The following G3BP2 variants were observed in gnomAD, a reference collection of about 807,000 sequenced individuals.
G3BP2 encodes the protein G3BP stress granule assembly factor 2, also known as ras GTPase-activating protein-binding protein 2.
Under a neutral mutation model 56.7 loss-of-function variants are expected in G3BP2, and 11 were observed. The observed-to-expected ratio is 0.19, with a 90% CI of 0.12 to 0.32. The LOEUF (loss-of-function observed/expected upper bound fraction) is 0.32. Among genes scored for constraint, G3BP2 ranks in the 10% least tolerant of loss-of-function variants. The pLI, the probability that G3BP2 is intolerant of heterozygous loss-of-function variation, is 1.00. For missense variants in G3BP2, 340 were observed against 610.9 expected (o/e 0.56, Z 4.67); for synonymous variants, 165 against 191.6 (o/e 0.86, Z 1.15).
chr4:75,699,476 C>T (rs368371349), intron 3 of G3BP2, among the ~76,000 whole-genome samples: 1 of 152,170 alleles, frequency 6.6e-6, no homozygotes, highest in Non-Finnish European at 1.5e-5. Flanking sequence ...TCACACTCAG[C>T]CTGACCCTAA....
intron 3 of G3BP2, among the ~76,000 whole-genome samples, chr4:75,680,364 G>A (rs921475571): frequency 1.3e-5 from 2 of 152,136 alleles, no homozygotes; most frequent in African/African-American, 2.4e-5. Flanking sequence ...GGATCAAATC[G>A]CATTTTCTTC....
At chr4:75,649,688 G>A (rs1731522752) in intron 8 of G3BP2, among the ~76,000 whole-genome samples, 1 of 152,158 alleles carries the variant, frequency 6.6e-6, no homozygotes, top group African/African-American at 2.4e-5. Context: ...AGGATATGGA[G>A]AACATGTCCT....
chr4:75,711,192 G>T (rs1355778038), intron 3 of G3BP2, among the ~76,000 whole-genome samples: 1 of 151,590 alleles, frequency 6.6e-6, no homozygotes, highest in Non-Finnish European at 1.5e-5. Context: ...GATGGCGGGT[G>T]CCTGTAATCC....
chr4:75,724,140 G>A (rs1236983270), intron 1 of G3BP2: 2 of 152,416 alleles, frequency 1.3e-5, no homozygotes, highest in Non-Finnish European at 2.9e-5. Flanking sequence ...GTGGAATGAG[G>A]GGTGTCTAGT....
At chr4:75,708,760 G>A (rs533504706) in intron 3 of G3BP2, among the ~76,000 whole-genome samples, 75 of 151,990 alleles carry the variant, frequency 4.9e-4, no homozygotes, top group African/African-American at 1.7e-3. Context: ...CGCTTGCACT[G>A]AGGAGTTTGA....
At chr4:75,716,996 A>G (rs917536794) in intron 3 of G3BP2, among the ~76,000 whole-genome samples, 2 of 151,966 alleles carry the variant, frequency 1.3e-5, no homozygotes, top group Admixed American at 6.6e-5. Context: ...TTATGTCCAC[A>G]CCCAACTACC....
chr4:75,693,095 T>C (rs1718936659), intron 3 of G3BP2, among the ~76,000 whole-genome samples: 1 of 151,880 alleles, frequency 6.6e-6, no homozygotes, highest in Non-Finnish European at 1.5e-5. Context: ...AATACAAAAA[T>C]TAGACGGGTG....
intron 6 of G3BP2, 33 bp from the exon 7 acceptor site, chr4:75,655,279 G>C (rs1218598654): frequency 1.3e-6 from 2 of 1,490,980 alleles, no homozygotes; most frequent in South Asian, 2.4e-5. Context: ...CTTTTTAGTA[G>C]GAGTTCAAGT....
intron 1 of G3BP2, among the ~76,000 whole-genome samples, chr4:75,665,656 AAC>A (rs368331407): frequency 0.025 from 1,816 of 73,038 alleles, 16 homozygotes; most frequent in African/African-American, 0.024. Flanking sequence ...CACACAAACA[AAC>A]ACACACACAC....
rs568645152 is a variant in G3BP2 at position 75,649,062 on chromosome 4, A to G, written c.826-321T>C. 18 of 187,102 alleles carry G rather than the reference A, an allele frequency of 9.6e-5. No homozygotes were observed. In the East Asian group the frequency reaches 2.2e-3, roughly 23 times the overall value. The allele number at this position is 187,102 out of a possible 1,614,324, so 11.6% of individuals were successfully genotyped here. Reference sequence around the variant, plus strand: ...TTGCTACCAAAAAAAAAAATCACAAAAATGCAAGATGAACCACTCCATGTA... The same window carrying G: ...TTGCTACCAAAAAAAAAAATCACAAGAATGCAAGATGAACCACTCCATGTA... On this transcript the variant is annotated intron_variant, in intron 8 of 11. Coordinates refer to ENST00000359707, the MANE Select transcript of G3BP2 (RefSeq NM_203505.3).
At chr4:75,715,255 A>ATCTGTTT (rs1328991125) in intron 3 of G3BP2, among the ~76,000 whole-genome samples, 2 of 151,956 alleles carry the variant, frequency 1.3e-5, no homozygotes, top group Non-Finnish European at 2.9e-5. Context: ...AACCAAGCAC[A>ATCTGTTT]TCTGTTTTCA....
intron 3 of G3BP2, among the ~76,000 whole-genome samples, chr4:75,707,175 G>GAAAAAAAAA (rs35357713): frequency 9.7e-6 from 1 of 103,614 alleles, no homozygotes; most frequent in Non-Finnish European, 1.9e-5. Flanking sequence ...ACTCCGTCTT[G>GAAAAAAAAA]AAAAAAAAAA....
chr4:75,720,833 AAATAAAT>A (rs1247664424), intron 3 of G3BP2, among the ~76,000 whole-genome samples: 6 of 149,540 alleles, frequency 4.0e-5, no homozygotes, highest in Non-Finnish European at 7.4e-5. Context: ...ATAAATAAAT[AAATAAAT>A]AAAAATATTT....
At position 75,661,966 on chromosome 4, in the gene G3BP2, A is replaced by G; in HGVS notation, c.60T>C (p.Tyr20=). ...ATTCCGGAGCTTTATTCAGCAAAGT[A>G]TAATATTGCCTCACAAACTCCCGCC... ...LVGREFVRQY[Y]TLLNKAPEYL... Residue 20 remains tyrosine, a synonymous_variant, in exon 2 of 12, where the codon TAT becomes TAC. Coordinates refer to ENST00000359707, the MANE Select transcript of G3BP2 (RefSeq NM_203505.3). 5 of 1,602,750 alleles carry G rather than the reference A, an allele frequency of 3.1e-6. No individual in the cohort carries two copies. The highest frequency in any genetic ancestry group is 4.3e-6 in the Non-Finnish European group (5 of 1,169,642).
chr4:75,649,008 A>G (rs760272187), intron 8 of G3BP2: 10 of 262,376 alleles, frequency 3.8e-5, no homozygotes, highest in Non-Finnish European at 6.5e-5. Context: ...CATTAAAGTT[A>G]TATCAACACT....
At position 75,645,113 on chromosome 4, in the gene G3BP2, G is replaced by A. The variant is rs888780744; in HGVS notation, c.*317C>T. ...CACTTAAACAAAATGTGCAGCAGAA[G>A]ATTTTTTTTTTACTCAAAGGACCTG... is the stretch of plus-strand genomic sequence containing the variant. On this transcript the variant is annotated 3_prime_UTR_variant, in exon 12 of 12. Coordinates refer to ENST00000359707, the MANE Select transcript of G3BP2 (RefSeq NM_203505.3). The A allele has an allele frequency of 6.9e-6, 2 of 291,702 alleles. No individual in the cohort carries two copies. Among genetic ancestry groups the A allele is most frequent in the Admixed American group, 5.0e-5 (1 of 20,140 alleles). The allele number at this position is 291,702 out of a possible 1,614,324, so 18.1% of individuals were successfully genotyped here. A position where few individuals can be genotyped will look rare whatever the true frequency, so the allele number is the denominator to read the frequency against.
chr4:75,656,240 C>T (rs1424955906), intron 5 of G3BP2, among the ~76,000 whole-genome samples: 1 of 151,928 alleles, frequency 6.6e-6, no homozygotes, highest in South Asian at 2.1e-4. Context: ...GATCCACCCG[C>T]CCTGGCCTCC....
intron 3 of G3BP2, among the ~76,000 whole-genome samples, chr4:75,681,257 G>C (rs546890156): frequency 4.9e-4 from 74 of 152,204 alleles, no homozygotes. Flanking sequence ...CCGGGAGGCA[G>C]AGGTTGCAGT....
intron 3 of G3BP2, among the ~76,000 whole-genome samples, chr4:75,692,829 T>C (rs2149083579): frequency 6.6e-6 from 1 of 152,338 alleles, no homozygotes; most frequent in African/African-American, 2.4e-5. Context: ...ATGGAGGGTC[T>C]TGAAGGGGTT....
Sources: allele counts gnomAD v4.1 joint callset (sites outside exome capture counted in the v4.1 genomes callset), GRCh38; gene constraint gnomAD v4.1.1; transcripts MANE v1.5; gene names NCBI Gene and HGNC (gene_info 2026-07-23, HGNC 2026-07-21).